Variants in GPCPD1 observed in about 807,000 individuals in gnomAD.
GPCPD1 encodes glycerophosphocholine phosphodiesterase GPCPD1.
In GPCPD1, 29 loss-of-function variants were observed where a neutral mutation model predicts 89.2. The observed-to-expected ratio is 0.33, with a 90% CI of 0.24 to 0.44. The LOEUF is 0.44. GPCPD1 is among the 20% of genes least tolerant of loss of function. The probability of loss-of-function intolerance (pLI) is 1.00; values close to 1 mark genes in which losing one functional copy is unlikely to be tolerated. For synonymous variants in GPCPD1, 258 were observed against 266.3 expected, an observed-to-expected ratio of 0.97 and a Z score of 0.30; for missense variants, 594 against 808.9, an observed-to-expected ratio of 0.73 and a Z score of 3.22.
At position 5,559,998 on chromosome 20, in the gene GPCPD1, C is replaced by T; in HGVS notation, c.1474G>A (p.Glu492Lys). The T allele has an allele frequency of 6.4e-7, 1 of 1,574,694 alleles. No individual in the cohort carries two copies. The highest frequency in any genetic ancestry group is 8.7e-7 in the Non-Finnish European group (1 of 1,152,594). Residue 492 changes from glutamate (E) to lysine (K), a missense_variant, in exon 17 of 20, where the codon GAA becomes AAA. Glu to Lys is a moderately conservative substitution (Grantham distance 56, BLOSUM62 1). Transcript: ENST00000379019. ...ACTATTCTCCTCTTCCCAGAATTTT[C>T]TAAAACAGTTTTTAAAATTATATCC... ...FLDIILKTVL[E>K]NSGKRRIVFS...
At chr20:5,580,727 CAA>C (rs35415062) in intron 6 of GPCPD1, among the ~76,000 whole-genome samples, 22 of 85,890 alleles carry the variant, frequency 2.6e-4, no homozygotes, top group Non-Finnish European at 2.3e-4. Flanking sequence ...CTCCATCTCA[CAA>C]AAAAAAAAAA....
In GPCPD1 at chr20:5,566,735, T is replaced by C. The variant is rs992740291; in HGVS notation, c.1265A>G (p.Lys422Arg). 11 of 1,565,882 alleles carry C rather than the reference T, an allele frequency of 7.0e-6. No homozygotes were observed. In the African/African-American group the frequency reaches 1.5e-4, roughly 21 times the overall value. The change falls in exon 14 of 20, where the codon AAA (lysine) becomes AGA (arginine). Residue 422 changes from lysine (K) to arginine (R), a missense_variant and splice_region_variant. Physicochemically the swap from Lys to Arg is conservative, Grantham distance 26. Coordinates refer to ENST00000379019, the MANE Select transcript of GPCPD1 (RefSeq NM_019593.5). ...HVTALKSKDR[K>R]ESVVQEENSF... ...AGTGTTTCCATATTGGTACATACCT[T>C]TCCGATCCTTAGATTTCAGTGCAGT... is the stretch of plus-strand genomic sequence containing the variant.
At chr20:5,600,552 A>C (rs1254530814) in intron 2 of GPCPD1, among the ~76,000 whole-genome samples, 1 of 146,958 alleles carries the variant, frequency 6.8e-6, no homozygotes, top group East Asian at 2.0e-4. Flanking sequence ...GCTGGGTGCA[A>C]GCCGGGTGCG....
chr20:5,576,024 A>G (rs771972912), intron 8 of GPCPD1, 46 bp from the exon 9 acceptor site: 3 of 979,922 alleles, frequency 3.1e-6, no homozygotes, highest in Non-Finnish European at 1.6e-6. Flanking sequence ...AAACTTCTAC[A>G]TTACATACAT....
chr20:5,602,113 T>G (rs552067073), intron 2 of GPCPD1, among the ~76,000 whole-genome samples: 2 of 152,376 alleles, frequency 1.3e-5, no homozygotes, highest in African/African-American at 4.8e-5. Flanking sequence ...TCCTTCCTCC[T>G]GTGCAGTGAG....
intron 1 of GPCPD1, among the ~76,000 whole-genome samples, chr20:5,604,724 G>A (rs1398311313): frequency 6.7e-6 from 1 of 148,192 alleles, no homozygotes; most frequent in Non-Finnish European, 1.5e-5. Context: ...AGGATGACTT[G>A]AGCCCAGGAG....
At chr20:5,598,383 G>T (rs1355866854) in intron 3 of GPCPD1, among the ~76,000 whole-genome samples, 1 of 152,036 alleles carries the variant, frequency 6.6e-6, no homozygotes. Context: ...TCCAGCCTGG[G>T]TAACAGAGTG....
chr20:5,557,605 G>C (rs1985847725), intron 19 of GPCPD1, among the ~76,000 whole-genome samples: 1 of 152,188 alleles, frequency 6.6e-6, no homozygotes, highest in Non-Finnish European at 1.5e-5. Context: ...ATACGTAAGT[G>C]TGAGAACACA....
Position 5,578,497 on chromosome 20 carries a change from G to A in GPCPD1, c.588C>T (p.Phe196=), listed in dbSNP as rs41282130. 0.055 allele frequency: 89,021 copies of A among 1,613,334 alleles called. 2,829 individuals are homozygous for A. Among genetic ancestry groups the A allele is most frequent in the South Asian group, 0.072 (6,582 of 91,072 alleles). Residue 196 remains phenylalanine (F), a synonymous_variant, in exon 8 of 20, where the codon TTC becomes TTT. Coordinates refer to ENST00000379019, the MANE Select transcript of GPCPD1 (RefSeq NM_019593.5). ...ACTCCGGCTGTGAATGCCTGCACTT[G>A]AACTCATTGTCGCTTATTAAGGATA... is the stretch of plus-strand genomic sequence containing the variant. ...LEISLISDNE[F]KCRHSQPECG... is the part of the protein sequence containing the mutation.
At chr20:5,571,505 T>C (rs961201355) in intron 11 of GPCPD1, among the ~76,000 whole-genome samples, 1 of 152,142 alleles carries the variant, frequency 6.6e-6, no homozygotes, top group African/African-American at 2.4e-5. Context: ...AATAAGCCAA[T>C]AATAATTAAA....
intron 1 of GPCPD1, among the ~76,000 whole-genome samples, chr20:5,605,162 G>A (rs1407109777): frequency 6.6e-6 from 1 of 152,098 alleles, no homozygotes; most frequent in Non-Finnish European, 1.5e-5. Context: ...AACAAAACAA[G>A]ACAGAATACA....
intron 8 of GPCPD1, among the ~76,000 whole-genome samples, chr20:5,577,486 TC>T (rs1978296253): frequency 8.4e-6 from 1 of 119,738 alleles, no homozygotes; most frequent in African/African-American, 3.4e-5. Flanking sequence ...AGACCCTCTC[TC>T]CAGAAAAAAA....
chr20:5,593,416 GAAGA>G lies in GPCPD1; in HGVS notation c.147-9_147-6del. 2 of 1,527,474 alleles carry G rather than the reference GAAGA, an allele frequency of 1.3e-6. No homozygotes were observed. Among genetic ancestry groups the G allele is most frequent in the East Asian group, 2.3e-5 (1 of 44,316 alleles). The allele number at this position is 1,527,474 out of a possible 1,614,324, so 94.6% of individuals were successfully genotyped here. On this transcript the variant is annotated splice_region_variant and splice_polypyrimidine_tract_variant and intron_variant, in intron 3 of 19. Transcript: ENST00000379019. ...ATGGTTGCTTTCCATAGCATGCTGTGAAGAAAGAAAATTAAAAGCAGCAGCATCA... is the reference window on the plus strand; with the variant it reads ...ATGGTTGCTTTCCATAGCATGCTGTGAAGAAAATTAAAAGCAGCAGCATCA...
chr20:5,573,367 T>C (rs1600744088), intron 11 of GPCPD1, among the ~76,000 whole-genome samples: 2 of 152,170 alleles, frequency 1.3e-5, no homozygotes, highest in African/African-American at 4.8e-5. Flanking sequence ...ATTACAGGCA[T>C]CAGCCACTGT....
At position 5,547,675 on chromosome 20, in the gene GPCPD1, C is replaced by G. The variant is rs752260906; in HGVS notation, c.2005G>C (p.Val669Leu). 1 of 1,597,188 alleles carries G rather than the reference C, an allele frequency of 6.3e-7. No individual in the cohort carries two copies. Among genetic ancestry groups the G allele is most frequent in the South Asian group, 1.1e-5 (1 of 90,162 alleles). ...IHVDANGIDN[V>L]ENA is the part of the protein sequence containing the mutation. ...TGCAATAAAAACTAAGCATTCTCCA[C>G]GTTATCAATGCCGTTGGCATCCACA... is the stretch of plus-strand genomic sequence containing the variant. Residue 669 changes from valine to leucine, a missense_variant, in exon 20 of 20, where the codon GTG (valine) becomes CTG (leucine). Val to Leu is a conservative substitution (Grantham distance 32). Coordinates refer to ENST00000379019, the MANE Select transcript of GPCPD1 (RefSeq NM_019593.5).
intron 11 of GPCPD1, 40 bp downstream of exon 11, chr20:5,573,875 C>G (rs779451076): frequency 2.0e-6 from 2 of 1,022,202 alleles, no homozygotes; most frequent in Non-Finnish European, 3.1e-6. Flanking sequence ...ATCCATATTT[C>G]TCTACCTCAG....
chr20:5,598,962 C>T (rs1315522514), intron 2 of GPCPD1, 141 bp from the exon 3 acceptor site: 2 of 632,122 alleles, frequency 3.2e-6, no homozygotes, highest in Non-Finnish European at 5.7e-6. Flanking sequence ...TAGGTTTGGG[C>T]CCAGGTACCT....
intron 14 of GPCPD1, among the ~76,000 whole-genome samples, chr20:5,565,881 A>C (rs111310953): frequency 4.6e-5 from 7 of 152,360 alleles, no homozygotes; most frequent in African/African-American, 1.7e-4. Flanking sequence ...ATTATTTTCC[A>C]AAAGTGGAAA....
intron 17 of GPCPD1, among the ~76,000 whole-genome samples, chr20:5,559,619 AT>A (rs1261979683): frequency 6.6e-6 from 1 of 152,188 alleles, no homozygotes; most frequent in Admixed American, 6.5e-5. Flanking sequence ...CAAATTTAAA[AT>A]TTTTTCTATA....
Sources: gnomAD v4.1 joint callset for allele counts (sites outside exome capture counted in the v4.1 genomes callset) on GRCh38, gnomAD v4.1.1 for gene constraint, MANE v1.5 for transcripts, NCBI Gene and HGNC (gene_info 2026-07-23, HGNC 2026-07-21) for gene names.